Variants in TYW1 observed in about 807,000 individuals in gnomAD.
TYW1 encodes the protein S-adenosyl-L-methionine-dependent tRNA 4-demethylwyosine synthase TYW1.
In TYW1, 46 loss-of-function variants were observed where a neutral mutation model predicts 96.2. The ratio of observed to expected loss-of-function variants is 0.48; its 90% CI spans 0.38 to 0.61. The LOEUF (loss-of-function observed/expected upper bound fraction) is 0.61, where lower values mean the gene tolerates loss of function less well. Ranked by LOEUF, TYW1 falls within the 20% of genes least tolerant of loss-of-function variation. The probability of loss-of-function intolerance (pLI) is 0.00; values close to 1 mark genes in which losing one functional copy is unlikely to be tolerated. For synonymous variants in TYW1, 274 were observed against 323.0 expected (o/e 0.85, Z 1.63); for missense variants, 684 against 909.6 (o/e 0.75, Z 3.19).
intron 7 of TYW1, among the ~76,000 whole-genome samples, chr7:67,040,809 A>G (rs1794993903): frequency 6.6e-6 from 1 of 151,944 alleles, no homozygotes; most frequent in South Asian, 2.1e-4. Flanking sequence ...ACGCCACTGC[A>G]CTCCAGCCTG....
At chr7:67,157,458 G>A (rs527442861) in intron 13 of TYW1, among the ~76,000 whole-genome samples, 5 of 152,180 alleles carry the variant, frequency 3.3e-5, no homozygotes, top group Admixed American at 1.3e-4. Context: ...GCTAATGTTT[G>A]TATTTTCAGT....
intron 3 of TYW1, among the ~76,000 whole-genome samples, chr7:67,006,494 C>T (rs113851153): frequency 0.019 from 2,541 of 131,856 alleles, 77 homozygotes; most frequent in African/African-American, 0.069. Flanking sequence ...GGCTGGAGTG[C>T]AGTGGCGTGA....
chr7:67,238,166 G>C, intron 15 of TYW1, 142 bp from the exon 16 acceptor site: 3 of 1,240,018 alleles, frequency 2.4e-6, no homozygotes, highest in Non-Finnish European at 3.3e-6. Context: ...ACATGGAAGA[G>C]GTTTTTTTGT....
intron 13 of TYW1, among the ~76,000 whole-genome samples, chr7:67,166,657 C>T (rs1171701433): frequency 1.3e-5 from 2 of 151,932 alleles, no homozygotes; most frequent in Admixed American, 1.3e-4. Context: ...TGTATTTTTT[C>T]TTTATGTATG....
At position 67,195,326 on chromosome 7, in the gene TYW1, G is replaced by T. The variant is rs538199546; in HGVS notation, c.1966G>T (p.Ala656Ser). Residue 656 changes from alanine (A) to serine (S), a missense_variant, in exon 15 of 16, where the codon GCA (alanine) becomes TCA (serine). Ala to Ser is a moderately conservative substitution (Grantham distance 99). Coordinates refer to ENST00000359626, the MANE Select transcript of TYW1 (RefSeq NM_018264.4). Reference protein sequence around the residue: ...EHEHSNCLLIAHRKFKIGGEW... With the variant: ...EHEHSNCLLISHRKFKIGGEW... The stretch of plus-strand genomic sequence containing the variant: ...CGAACACTCTAATTGCCTCCTGATA[G>T]CACACAGAAAGGTAAGAATAACTCA... 1.4e-5 allele frequency: 22 copies of T among 1,613,414 alleles called. No individual in the cohort carries two copies. The East Asian group carries it at 4.0e-4, about 29-fold the overall frequency.
rs372936011 is a variant in TYW1 at position 67,080,457 on chromosome 7, G to A, written c.1275-2973G>A. ...ATCCTGCTCTGTTGCCCAGGCTGGG[G>A]TGCAGTGGCACAATCTCGGCTCACT... On this transcript the variant is annotated intron_variant, in intron 10 of 15. Coordinates refer to ENST00000359626, the MANE Select transcript of TYW1 (RefSeq NM_018264.4). 2.4e-4 allele frequency among the ~76,000 whole-genome samples: 37 copies of A among 151,282 alleles called. 1 individual carries two copies. The East Asian group carries it at 2.9e-3, about 12-fold the overall frequency.
At chr7:67,087,285 G>A (rs1300953744) in intron 11 of TYW1, among the ~76,000 whole-genome samples, 2 of 152,200 alleles carry the variant, frequency 1.3e-5, no homozygotes, top group African/African-American at 4.8e-5. Flanking sequence ...TGTGCAGAAA[G>A]GGGTGTCCAA....
At chr7:67,138,408 A>G (rs1305752722) in intron 13 of TYW1, among the ~76,000 whole-genome samples, 1 of 152,158 alleles carries the variant, frequency 6.6e-6, no homozygotes, top group African/African-American at 2.4e-5. Context: ...GGCATATAAT[A>G]TGTAATCATT....
chr7:67,006,241 G>T (rs1030600606), intron 3 of TYW1, among the ~76,000 whole-genome samples: 2 of 151,976 alleles, frequency 1.3e-5, no homozygotes, highest in Non-Finnish European at 2.9e-5. Flanking sequence ...TTAAAAGTGT[G>T]TGGCACTGCC....
At chr7:67,080,940 GTTTTTTTTTTTTTTTT>G (rs71049495) in intron 10 of TYW1, among the ~76,000 whole-genome samples, 1 of 37,252 alleles carries the variant, frequency 2.7e-5, no homozygotes, top group African/African-American at 1.1e-4. Flanking sequence ...CTTTCTTACT[GTTTTTTTTTTTTTTTT>G]TTTTTTTTTT....
intron 11 of TYW1, among the ~76,000 whole-genome samples, chr7:67,095,882 G>A (rs1015589530): frequency 5.9e-5 from 9 of 152,028 alleles, no homozygotes; most frequent in African/African-American, 1.2e-4. Flanking sequence ...ACTTTATTTC[G>A]CCCACGTTCT....
intron 13 of TYW1, among the ~76,000 whole-genome samples, chr7:67,182,675 G>T (rs1403948508): frequency 6.6e-6 from 1 of 152,216 alleles, no homozygotes; most frequent in African/African-American, 2.4e-5. Context: ...AATGCCAAGA[G>T]ATCATTAAAT....
chr7:67,089,483 A>G lies in TYW1; in HGVS notation c.1384+5944A>G, dbSNP rs1055852830. The G allele has an allele frequency of 5.0e-6, 5 of 1,009,724 alleles. No homozygotes were observed. In the African/African-American group the frequency reaches 7.9e-5, roughly 16 times the overall value. The allele number at this position is 1,009,724 out of a possible 1,614,324, so 62.5% of individuals were successfully genotyped here. A position where few individuals can be genotyped will look rare whatever the true frequency, so the allele number is the denominator to read the frequency against. ...CTTGAGACAGGAATGCTCATTAATTATTTACCTCACTCTGGCTTGGAGAGT... is the reference window on the plus strand; with the variant it reads ...CTTGAGACAGGAATGCTCATTAATTGTTTACCTCACTCTGGCTTGGAGAGT... On this transcript the variant is annotated intron_variant, in intron 11 of 15. Transcript: ENST00000359626.
At chr7:67,210,087 A>T (rs2116389502) in intron 15 of TYW1, among the ~76,000 whole-genome samples, 1 of 152,286 alleles carries the variant, frequency 6.6e-6, no homozygotes, top group East Asian at 1.9e-4. Flanking sequence ...GTTTTACCTA[A>T]TGTCCTTTTT....
chr7:67,147,877 G>A lies in TYW1; in HGVS notation c.1698+30259G>A, dbSNP rs565052608. On this transcript the variant is annotated intron_variant, in intron 13 of 15. Coordinates refer to ENST00000359626, the MANE Select transcript of TYW1 (RefSeq NM_018264.4). Reference sequence around the variant, plus strand: ...AGCTAAGCATTAAATCTAAGAAATAGCAAAATAAGCCTATGGAAATTAGGA... The same window carrying A: ...AGCTAAGCATTAAATCTAAGAAATAACAAAATAAGCCTATGGAAATTAGGA... Among the ~76,000 whole-genome samples the A allele has an allele frequency of 2.0e-5, 3 of 151,150 alleles. No homozygotes were observed. The East Asian group carries it at 5.8e-4, about 29-fold the overall frequency.
At chr7:67,228,436 C>T (rs993766757) in intron 15 of TYW1, among the ~76,000 whole-genome samples, 1 of 152,182 alleles carries the variant, frequency 6.6e-6, no homozygotes, top group African/African-American at 2.4e-5. Context: ...CTACCTGGTC[C>T]CTCCCACAAC....
Position 67,205,393 on chromosome 7 carries a change from G to T in TYW1, c.1977+10056G>T, listed in dbSNP as rs868232932. Among the ~76,000 whole-genome samples, 5 of 151,952 alleles carry T rather than the reference G, an allele frequency of 3.3e-5. No individual in the cohort carries two copies. In the South Asian group the frequency reaches 1.0e-3, roughly 32 times the overall value. On this transcript the variant is annotated intron_variant, in intron 15 of 15. Transcript: ENST00000359626. ...GACATTATAGGATGGAGGCGGGGGG[G>T]GGGCCTTATTGCTGCTGGGTGGTGG...
At chr7:67,107,258 G>T (rs1020565683) in intron 12 of TYW1, among the ~76,000 whole-genome samples, 1 of 152,194 alleles carries the variant, frequency 6.6e-6, no homozygotes, top group African/African-American at 2.4e-5. Context: ...AGTAAATACT[G>T]CCGCCTGAGT....
chr7:67,189,294 TTATG>T (rs1800126154), intron 14 of TYW1, among the ~76,000 whole-genome samples: 1 of 149,150 alleles, frequency 6.7e-6, no homozygotes, highest in African/African-American at 2.5e-5. Flanking sequence ...TGTGGTGTGT[TTATG>T]TGTGTGGTGT....
Sources: gnomAD v4.1 joint callset for allele counts (sites outside exome capture counted in the v4.1 genomes callset) on GRCh38, gnomAD v4.1.1 for gene constraint, MANE v1.5 for transcripts, NCBI Gene and HGNC (gene_info 2026-07-23, HGNC 2026-07-21) for gene names.